The following VWA5B1 variants were observed in gnomAD, a reference collection of about 807,000 sequenced individuals.
VWA5B1 encodes the protein von Willebrand factor A domain containing 5B1, also known as von Willebrand factor A domain-containing protein 5B1.
A neutral mutation model predicts 118.2 loss-of-function variants in VWA5B1; 115 were observed. That is an observed-to-expected ratio of 0.97 (90% CI 0.84 to 1.14). The LOEUF (loss-of-function observed/expected upper bound fraction) is 1.14. Among genes scored for constraint, VWA5B1 ranks in the 50% most tolerant of loss-of-function variants. The pLI, the probability that VWA5B1 is intolerant of heterozygous loss-of-function variation, is 0.00. For missense variants in VWA5B1, 1,596 were observed against 1,603.8 expected (o/e 1.00, Z 0.08); for synonymous variants, 682 against 658.4 (o/e 1.04, Z -0.55).
chr1:20,314,677 G>A (rs1457506921), intron 4 of VWA5B1, 85 bp downstream of exon 4: 25 of 1,489,490 alleles, frequency 1.7e-5, no homozygotes, highest in Non-Finnish European at 2.2e-5. Flanking sequence ...GACAGGGTGG[G>A]GGGAGACAGG....
At chr1:20,353,654 C>G in intron 21 of VWA5B1, 103 bp from the exon 22 acceptor site, 1 of 1,395,522 alleles carries the variant, frequency 7.2e-7, no homozygotes, top group East Asian at 2.6e-5. Flanking sequence ...ATCCCCCAGG[C>G]AGGCAGGGTG....
chr1:20,302,848 G>A (rs2100808741), intron 1 of VWA5B1, among the ~76,000 whole-genome samples: 1 of 152,270 alleles, frequency 6.6e-6, no homozygotes, highest in African/African-American at 2.4e-5. Flanking sequence ...AGAAGAGATA[G>A]CGGTAGCAGA....
intron 1 of VWA5B1, among the ~76,000 whole-genome samples, chr1:20,304,857 C>T (rs1284231412): frequency 2.0e-5 from 3 of 152,120 alleles, no homozygotes; most frequent in African/African-American, 4.8e-5. Flanking sequence ...CAAGTTGCCT[C>T]ACCTCTTCGA....
rs575031508 is a variant in VWA5B1 at position 20,327,028 on chromosome 1, T to C, written c.1144-862T>C. ...ACCATCGTCACCATCATGATCATCA[T>C]GATCATCATCATCATCAATTTTGCT... On this transcript the variant is annotated intron_variant, in intron 8 of 21. Transcript: ENST00000289815. Among the ~76,000 whole-genome samples the C allele has an allele frequency of 3.7e-3, 557 of 152,278 alleles. 1 individual carries two copies. Among genetic ancestry groups the C allele is most frequent in the Non-Finnish European group, 5.4e-3 (365 of 68,030 alleles).
intron 16 of VWA5B1, among the ~76,000 whole-genome samples, chr1:20,343,907 G>C (rs2089951867): frequency 8.6e-6 from 1 of 116,780 alleles, no homozygotes; most frequent in South Asian, 3.3e-4. Flanking sequence ...CAGTGCCTGG[G>C]CTCATTCCCT....
Position 20,296,342 on chromosome 1 carries a change from A to C in VWA5B1, c.-27+5254A>C, listed in dbSNP as rs1310006205. Among the ~76,000 whole-genome samples, 4 of 152,238 alleles carry C rather than the reference A, an allele frequency of 2.6e-5. No individual in the cohort carries two copies. The South Asian group carries it at 8.3e-4, about 32-fold the overall frequency. ...AGGTGGGGTAAGCAGCTGATTATAC[A>C]AAGCCAAAGGATTGCACGGTGAAAC... is the stretch of plus-strand genomic sequence containing the variant. On this transcript the variant is annotated intron_variant, in intron 1 of 21. Transcript: ENST00000289815.
intron 8 of VWA5B1, 22 bp downstream of exon 8, chr1:20,323,554 C>T: frequency 1.5e-6 from 2 of 1,372,830 alleles, no homozygotes; most frequent in Non-Finnish European, 1.9e-6. Flanking sequence ...GAGAACCCCT[C>T]CCGAGGACCC....
rs142332871 is a variant in VWA5B1 at position 20,340,199 on chromosome 1, GCA to G, written c.2134-2213_2134-2212del. On this transcript the variant is annotated intron_variant, in intron 14 of 21. Coordinates refer to ENST00000289815, the MANE Select transcript of VWA5B1 (RefSeq NM_001039500.3). ...ACACGCAACACACTTATATGTGCGC[GCA>G]CACACACACACACACACACTCCATG... is the stretch of plus-strand genomic sequence containing the variant. Among the ~76,000 whole-genome samples, 394 of 148,482 alleles carry G rather than the reference GCA, an allele frequency of 2.7e-3. 1 individual carries two copies. The highest frequency in any genetic ancestry group is 7.9e-3 in the African/African-American group (321 of 40,616).
intron 13 of VWA5B1, among the ~76,000 whole-genome samples, chr1:20,336,870 T>C (rs1365178614): frequency 2.6e-5 from 4 of 152,186 alleles, no homozygotes; most frequent in African/African-American, 4.8e-5. Flanking sequence ...GCACTAACTC[T>C]GATAGAAAGC....
rs1477973076 is a variant in VWA5B1 at position 20,327,953 on chromosome 1, G to A, written c.1207G>A (p.Gly403Arg). 9 of 1,551,618 alleles carry A rather than the reference G, an allele frequency of 5.8e-6. No individual in the cohort carries two copies. The highest frequency in any genetic ancestry group is 2.0e-5 in the Admixed American group (1 of 50,992). ...CTGCCTCTTCAATATCATTGGGTTT[G>A]GATCCACATTTAAGAGCCTTTTTCC... ...PACLFNIIGFGSTFKSLFPSS... is the reference protein window; with the variant it reads ...PACLFNIIGFRSTFKSLFPSS... Residue 403 changes from glycine (G) to arginine (R), a missense_variant, in exon 9 of 22, where the codon GGA (glycine) becomes AGA (arginine). Physicochemically the swap from Gly to Arg is moderately radical, Grantham distance 125. Transcript: ENST00000289815.
intron 3 of VWA5B1, among the ~76,000 whole-genome samples, chr1:20,313,368 G>T (rs1240816353): frequency 6.6e-6 from 1 of 152,212 alleles, no homozygotes; most frequent in African/African-American, 2.4e-5. Flanking sequence ...CACAAATGGT[G>T]GAGCTTAGAG....
chr1:20,345,335 G>T, intron 16 of VWA5B1, 121 bp from the exon 17 acceptor site: 1 of 1,331,578 alleles, frequency 7.5e-7, no homozygotes, highest in Non-Finnish European at 1.0e-6. Context: ...TGATTTTAAA[G>T]GCTTCTTTAA....
At chr1:20,302,102 C>A (rs986940766) in intron 1 of VWA5B1, among the ~76,000 whole-genome samples, 1 of 152,124 alleles carries the variant, frequency 6.6e-6, no homozygotes, top group Admixed American at 6.5e-5. Flanking sequence ...CCCCAGACAC[C>A]GTGGTGGCTT....
intron 20 of VWA5B1, 137 bp downstream of exon 20, chr1:20,351,063 C>G (rs1399734971): frequency 8.0e-6 from 6 of 752,678 alleles, no homozygotes; most frequent in Non-Finnish European, 1.3e-5. Flanking sequence ...GAAGGCACTC[C>G]TGCCCAGAGC....
At chr1:20,350,827 T>C in intron 19 of VWA5B1, 30 bp from the exon 20 acceptor site, 1 of 1,550,002 alleles carries the variant, frequency 6.5e-7, no homozygotes, top group Non-Finnish European at 8.7e-7. Context: ...CATCTTCAGG[T>C]CTCAACTTGG....
At chr1:20,328,205 C>G (rs751094168) in intron 9 of VWA5B1, among the ~76,000 whole-genome samples, 3 of 152,068 alleles carry the variant, frequency 2.0e-5, no homozygotes, top group Non-Finnish European at 4.4e-5. Context: ...AGCCTTCTGA[C>G]ATCCCCTCCT....
chr1:20,322,432 C>A (rs966094457), intron 7 of VWA5B1, among the ~76,000 whole-genome samples: 1 of 152,116 alleles, frequency 6.6e-6, no homozygotes, highest in African/African-American at 2.4e-5. Flanking sequence ...GGGGAAGGGT[C>A]CTGGCCTCAG....
chr1:20,295,028 G>A (rs1438675903), intron 1 of VWA5B1, among the ~76,000 whole-genome samples: 1 of 152,208 alleles, frequency 6.6e-6, no homozygotes, highest in African/African-American at 2.4e-5. Flanking sequence ...GATTGTTACA[G>A]CAGGATTTAG....
intron 17 of VWA5B1, among the ~76,000 whole-genome samples, chr1:20,346,187 C>T (rs571664962): frequency 1.1e-4 from 16 of 150,018 alleles, no homozygotes; most frequent in Non-Finnish European, 2.1e-4. Flanking sequence ...TGTTCCAAAG[C>T]ACTTTGTATA....
Sources: allele counts gnomAD v4.1 joint callset (sites outside exome capture counted in the v4.1 genomes callset), GRCh38; gene constraint gnomAD v4.1.1; transcripts MANE v1.5; gene names NCBI Gene and HGNC (gene_info 2026-07-23, HGNC 2026-07-21).